Variants in SLC7A11 observed in about 807,000 individuals in gnomAD.
The protein encoded by SLC7A11 is cystine/glutamate transporter.
A neutral mutation model predicts 54.5 loss-of-function variants in SLC7A11; 35 were observed. The ratio of observed to expected loss-of-function variants is 0.64; its 90% confidence interval spans 0.49 to 0.85. The LOEUF (loss-of-function observed/expected upper bound fraction) is 0.85. SLC7A11 is among the 40% of genes least tolerant of loss of function. SLC7A11 has a pLI of 0.00. For missense variants in SLC7A11, 583 were observed against 618.1 expected (o/e 0.94, Z 0.60); for synonymous variants, 230 against 225.2 (o/e 1.02, Z -0.19).
In SLC7A11 at chr4:138,237,737, A is replaced by ATTTTTT. The variant is rs1169641615; in HGVS notation, c.278-1292_278-1287dup. 1.6e-3 allele frequency among the ~76,000 whole-genome samples: 16 copies of ATTTTTT among 9,830 alleles called. 4 individuals are homozygous for ATTTTTT. Among genetic ancestry groups the ATTTTTT allele is most frequent in the Admixed American group, 2.7e-3 (1 of 372 alleles). 6.4% of individuals were successfully genotyped at this position (9,830 alleles called of 152,430 possible). On this transcript the variant is annotated intron_variant, in intron 1 of 11. Transcript: ENST00000280612. ...TATATATATATATATATATATATAT[A>ATTTTTT]TTTTTTTTTTTTTTTTTTTTTTTTT...
chr4:138,220,364 T>C (rs1026446319), intron 4 of SLC7A11, among the ~76,000 whole-genome samples: 12 of 152,292 alleles, frequency 7.9e-5, no homozygotes, highest in Non-Finnish European at 4.4e-5. Context: ...GTTGAGACCA[T>C]ACAGCTAGCT....
At chr4:138,180,116 A>G (rs1736699513) in intron 10 of SLC7A11, among the ~76,000 whole-genome samples, 1 of 152,160 alleles carries the variant, frequency 6.6e-6, no homozygotes, top group Admixed American at 6.6e-5. Context: ...GTAAATTTGT[A>G]GATCTTCTCT....
intron 6 of SLC7A11, among the ~76,000 whole-genome samples, chr4:138,210,427 G>GA (rs1330898121): frequency 6.6e-6 from 1 of 151,652 alleles, no homozygotes; most frequent in African/African-American, 2.4e-5. Context: ...TTCTGCACAG[G>GA]AAAAGAAACT....
intron 5 of SLC7A11, 100 bp from the exon 6 acceptor site, chr4:138,214,729 C>T: frequency 2.5e-6 from 1 of 392,738 alleles, no homozygotes; most frequent in East Asian, 4.7e-5. Flanking sequence ...ATTATGAAAA[C>T]TATAACAATA....
intron 5 of SLC7A11, among the ~76,000 whole-genome samples, chr4:138,217,315 G>A (rs1737703531): frequency 6.6e-6 from 1 of 152,168 alleles, no homozygotes; most frequent in Non-Finnish European, 1.5e-5. Context: ...CAAATAGGGA[G>A]TAGACATGAG....
At position 138,169,276 on chromosome 4, in the gene SLC7A11, C is replaced by A. The variant is rs930078818; in HGVS notation, c.*2680G>T. 1 of 151,934 alleles carries A rather than the reference C, an allele frequency of 6.6e-6. No individual in the cohort carries two copies. Among genetic ancestry groups the A allele is most frequent in the Non-Finnish European group, 1.5e-5 (1 of 67,964 alleles). 9.4% of individuals were successfully genotyped at this position (151,934 alleles called of 1,614,324 possible). On this transcript the variant is annotated 3_prime_UTR_variant, in exon 12 of 12. Transcript: ENST00000280612. ...AGTGTTCAGGAGAGTTTTTGAGAAT[C>A]TGCTTTACATACTGCAATTTTGAGT...
chr4:138,236,188 G>T, intron 2 of SLC7A11, 137 bp downstream of exon 2: 1 of 656,004 alleles, frequency 1.5e-6, no homozygotes, highest in Non-Finnish European at 2.5e-6. Flanking sequence ...CTTTATCACA[G>T]GCTTTATATC....
chr4:138,212,831 T>C (rs1211136575), intron 6 of SLC7A11, among the ~76,000 whole-genome samples: 1 of 152,010 alleles, frequency 6.6e-6, no homozygotes, highest in Non-Finnish European at 1.5e-5. Flanking sequence ...ATATAATAAA[T>C]GTTATGTTAT....
intron 11 of SLC7A11, among the ~76,000 whole-genome samples, chr4:138,175,308 G>T (rs995031954): frequency 5.9e-5 from 9 of 152,096 alleles, no homozygotes; most frequent in African/African-American, 1.9e-4. Flanking sequence ...TATAATCAAA[G>T]ATTTTGTTTA....
chr4:138,200,790 G>T (rs906900740), intron 6 of SLC7A11, among the ~76,000 whole-genome samples: 2 of 152,104 alleles, frequency 1.3e-5, no homozygotes, highest in African/African-American at 2.4e-5. Flanking sequence ...ATTAATTGTG[G>T]TTTTAATTAT....
chr4:138,177,099 T>C (rs970986342), intron 11 of SLC7A11: 1 of 152,218 alleles, frequency 6.6e-6, no homozygotes, highest in African/African-American at 2.4e-5. Context: ...AAAATTCCAA[T>C]TGAATGCTAA....
intron 6 of SLC7A11, among the ~76,000 whole-genome samples, chr4:138,209,856 C>T (rs893656954): frequency 2.6e-5 from 4 of 151,934 alleles, no homozygotes; most frequent in Admixed American, 1.3e-4. Context: ...TCCTATCAAA[C>T]TACCAACACC....
Position 138,240,949 on chromosome 4 carries a change from G to A in SLC7A11, c.277+844C>T, listed in dbSNP as rs1298431073. Among the ~76,000 whole-genome samples the A allele has an allele frequency of 3.3e-5, 5 of 152,126 alleles. No individual in the cohort carries two copies. The East Asian group carries it at 9.6e-4, about 29-fold the overall frequency. ...ACTATTAATTCTCAGATCAATAGAA[G>A]AGACATAAACTTTGAAGAAAAATTC... On this transcript the variant is annotated intron_variant, in intron 1 of 11. Transcript: ENST00000280612.
chr4:138,212,487 A>C (rs1737572608), intron 6 of SLC7A11, among the ~76,000 whole-genome samples: 1 of 151,642 alleles, frequency 6.6e-6, no homozygotes, highest in Non-Finnish European at 1.5e-5. Flanking sequence ...TTTTTAGATA[A>C]GGGAATTTCT....
chr4:138,231,840 G>A (rs566560419), intron 3 of SLC7A11, among the ~76,000 whole-genome samples: 1 of 152,274 alleles, frequency 6.6e-6, no homozygotes, highest in East Asian at 1.9e-4. Flanking sequence ...AACACTGGGA[G>A]TGACAGCTGC....
At chr4:138,195,767 A>G (rs1270679728) in intron 6 of SLC7A11, among the ~76,000 whole-genome samples, 3 of 152,176 alleles carry the variant, frequency 2.0e-5, no homozygotes, top group Non-Finnish European at 4.4e-5. Flanking sequence ...CCATAAAAAT[A>G]TTAAGACTAT....
intron 11 of SLC7A11, chr4:138,176,253 T>C (rs1736568090): frequency 6.6e-6 from 1 of 152,178 alleles, no homozygotes; most frequent in South Asian, 2.1e-4. Flanking sequence ...CTACTCACTT[T>C]CAAGGCAGCT....
At chr4:138,188,421 A>G (rs748530828) in intron 6 of SLC7A11, among the ~76,000 whole-genome samples, 1 of 152,138 alleles carries the variant, frequency 6.6e-6, no homozygotes, top group African/African-American at 2.4e-5. Context: ...AATAGCCACT[A>G]GCTTCCATTC....
intron 6 of SLC7A11, among the ~76,000 whole-genome samples, chr4:138,196,949 C>T (rs969119367): frequency 2.6e-5 from 4 of 152,150 alleles, no homozygotes; most frequent in African/African-American, 7.2e-5. Context: ...CGTGAGCCAC[C>T]GTGCCTGGCA....
Sources: allele counts gnomAD v4.1 joint callset (sites outside exome capture counted in the v4.1 genomes callset), GRCh38; gene constraint gnomAD v4.1.1; transcripts MANE v1.5; gene names NCBI Gene and HGNC (gene_info 2026-07-23, HGNC 2026-07-21).